FRMD3: variants seen among roughly 807,000 people sequenced by gnomAD.
The protein encoded by FRMD3 is FERM domain containing 3, also known as FERM domain-containing protein 3.
FRMD3 carries 33 observed loss-of-function variants against 70.2 expected under a neutral mutation model. That is an observed-to-expected ratio of 0.47 (90% confidence interval 0.36 to 0.63). The LOEUF is 0.63. Among genes scored for constraint, FRMD3 ranks in the 20% least tolerant of loss-of-function variants. The pLI, the probability that FRMD3 is intolerant of heterozygous loss-of-function variation, is 0.00. For synonymous variants in FRMD3, 279 were observed against 255.9 expected (o/e 1.09, Z -0.86); for missense variants, 632 against 711.4 (o/e 0.89, Z 1.27).
At chr9:83,487,594 T>C (rs1828715792) in intron 1 of FRMD3, among the ~76,000 whole-genome samples, 1 of 152,196 alleles carries the variant, frequency 6.6e-6, no homozygotes, top group Non-Finnish European at 1.5e-5. Flanking sequence ...AACTAAGTAC[T>C]GAAAAAGTGC....
intron 1 of FRMD3, among the ~76,000 whole-genome samples, chr9:83,476,507 A>G (rs1489610691): frequency 6.6e-6 from 1 of 152,222 alleles, no homozygotes; most frequent in Non-Finnish European, 1.5e-5. Flanking sequence ...GTCCCAGAAT[A>G]GTTTGGGTTT....
rs1286687049 is a variant in FRMD3, at chr9:83,258,649, A to C, written c.1196-10133T>G. Among the ~76,000 whole-genome samples the C allele has an allele frequency of 5.3e-5, 8 of 152,234 alleles. No homozygotes were observed. In the East Asian group the frequency reaches 1.3e-3, roughly 26 times the overall value. On this transcript the variant is annotated intron_variant, in intron 13 of 13. Transcript: ENST00000304195. ...ATATAATGAATCATCTGCAATTTGC[A>C]CTTAACTTTGCTAACCTCCTAAGTA...
In FRMD3 at chr9:83,428,361, G is replaced by C. The variant is rs1826872880; in HGVS notation, c.148-38653C>G. Among the ~76,000 whole-genome samples, 2 of 151,530 alleles carry C rather than the reference G, an allele frequency of 1.3e-5. 1 individual carries two copies. Among genetic ancestry groups the C allele is most frequent in the South Asian group, 4.2e-4 (2 of 4,790 alleles). ...CCATTGTATTCCAGCCTGGACAACA[G>C]AGCGAGACTCGGCCTCAAAAAAAAA... On this transcript the variant is annotated intron_variant, in intron 1 of 13. Coordinates refer to ENST00000304195, the MANE Select transcript of FRMD3 (RefSeq NM_174938.6).
At chr9:83,262,464 T>C (rs1833035170) in intron 13 of FRMD3, among the ~76,000 whole-genome samples, 1 of 152,250 alleles carries the variant, frequency 6.6e-6, no homozygotes, top group Admixed American at 6.5e-5. Flanking sequence ...TAGCAATGGC[T>C]TCCTAACTGG....
At chr9:83,385,752 T>A (rs1204465192) in intron 2 of FRMD3, among the ~76,000 whole-genome samples, 3 of 150,374 alleles carry the variant, frequency 2.0e-5, no homozygotes, top group African/African-American at 7.3e-5. Context: ...AAAAAAAAAA[T>A]GTTGGTCAAT....
intron 1 of FRMD3, among the ~76,000 whole-genome samples, chr9:83,457,124 TA>T (rs1254668471): frequency 6.6e-6 from 1 of 152,220 alleles, no homozygotes. Context: ...ATCTGGGCAA[TA>T]AAGACAAATA....
At chr9:83,347,057 A>T (rs1424433369) in intron 4 of FRMD3, among the ~76,000 whole-genome samples, 2 of 152,190 alleles carry the variant, frequency 1.3e-5, no homozygotes, top group Admixed American at 1.3e-4. Flanking sequence ...CTACTTTTTG[A>T]TGAGTTTGGC....
intron 1 of FRMD3, among the ~76,000 whole-genome samples, chr9:83,473,690 C>G (rs1828326314): frequency 6.6e-6 from 1 of 152,206 alleles, no homozygotes; most frequent in Non-Finnish European, 1.5e-5. Flanking sequence ...AATGCACGGG[C>G]TAGCTAGTGA....
At chr9:83,349,888 T>G in intron 3 of FRMD3, 131 bp from the exon 4 acceptor site, 1 of 608,426 alleles carries the variant, frequency 1.6e-6, no homozygotes. Flanking sequence ...GTGATTGTTT[T>G]GGAAGAAGCA....
chr9:83,295,190 T>A (rs1834610494), intron 12 of FRMD3, among the ~76,000 whole-genome samples: 1 of 152,216 alleles, frequency 6.6e-6, no homozygotes, highest in African/African-American at 2.4e-5. Flanking sequence ...GTGGTTTGAA[T>A]ATATTTATCC....
chr9:83,519,313 C>T (rs1829520803), intron 1 of FRMD3, among the ~76,000 whole-genome samples: 1 of 152,048 alleles, frequency 6.6e-6, no homozygotes, highest in African/African-American at 2.4e-5. Context: ...CAAACAACCC[C>T]ATCAAAAAGT....
chr9:83,321,991 T>G (rs1308798784), intron 6 of FRMD3, among the ~76,000 whole-genome samples: 1 of 152,022 alleles, frequency 6.6e-6, no homozygotes, highest in Non-Finnish European at 1.5e-5. Flanking sequence ...CTAGTTTCCT[T>G]GTCCCTCCTC....
intron 12 of FRMD3, among the ~76,000 whole-genome samples, chr9:83,296,518 C>G (rs911273611): frequency 1.3e-5 from 2 of 152,150 alleles, no homozygotes; most frequent in Non-Finnish European, 2.9e-5. Flanking sequence ...TGTAGCATTA[C>G]ATTAATCAAA....
chr9:83,461,029 C>A (rs918412330), intron 1 of FRMD3, among the ~76,000 whole-genome samples: 3 of 151,874 alleles, frequency 2.0e-5, no homozygotes, highest in African/African-American at 7.3e-5. Context: ...GACAAGTGCA[C>A]CAATAGGGTC....
intron 1 of FRMD3, among the ~76,000 whole-genome samples, chr9:83,534,838 A>G (rs1473827316): frequency 6.6e-6 from 1 of 152,230 alleles, no homozygotes; most frequent in Non-Finnish European, 1.5e-5. Context: ...TGGAAGACCC[A>G]GGACACATTA....
chr9:83,401,763 G>A lies in FRMD3; in HGVS notation c.148-12055C>T, dbSNP rs1292899730. ...TAAACATTCTGCCTGGAAGTGACAT[G>A]CATCACTTCGGTTTATTGGCCAAAA... On this transcript the variant is annotated intron_variant, in intron 1 of 13. Coordinates refer to ENST00000304195, the MANE Select transcript of FRMD3 (RefSeq NM_174938.6). Among the ~76,000 whole-genome samples, 3 of 152,194 alleles carry A rather than the reference G, an allele frequency of 2.0e-5. No homozygotes were observed. In the East Asian group the frequency reaches 5.8e-4, roughly 29 times the overall value.
chr9:83,320,925 T>C (rs993418274), intron 6 of FRMD3, among the ~76,000 whole-genome samples: 1 of 152,118 alleles, frequency 6.6e-6, no homozygotes, highest in Non-Finnish European at 1.5e-5. Context: ...TTCAATCTTG[T>C]GAGGCTGGAA....
chr9:83,356,968 C>T (rs1052108283), intron 3 of FRMD3, among the ~76,000 whole-genome samples: 2 of 151,354 alleles, frequency 1.3e-5, no homozygotes, highest in African/African-American at 4.9e-5. Flanking sequence ...AGCTTAGCTC[C>T]CACATACGAG....
At chr9:83,273,643 A>G (rs1298672809) in intron 13 of FRMD3, among the ~76,000 whole-genome samples, 1 of 139,750 alleles carries the variant, frequency 7.2e-6, no homozygotes, top group African/African-American at 2.9e-5. Context: ...GGAAAAAAAA[A>G]AAAGTTACTG....
Sources: gnomAD v4.1 joint callset for allele counts (sites outside exome capture counted in the v4.1 genomes callset) on GRCh38, gnomAD v4.1.1 for gene constraint, MANE v1.5 for transcripts, NCBI Gene and HGNC (gene_info 2026-07-23, HGNC 2026-07-21) for gene names.